The following MEI4 variants were observed in gnomAD, a reference collection of about 807,000 sequenced individuals.
The protein encoded by MEI4 is meiosis-specific protein MEI4.
In MEI4, 27 loss-of-function variants were observed where a neutral mutation model predicts 31.4. That is an observed-to-expected ratio of 0.86 (90% CI 0.63 to 1.19). The LOEUF is 1.19. MEI4 is among the 50% of genes most tolerant of loss of function. The pLI, the probability that MEI4 is intolerant of heterozygous loss-of-function variation, is 0.00. For synonymous variants in MEI4, 122 were observed against 145.4 expected, an observed-to-expected ratio of 0.84 and a Z score of 1.16; for missense variants, 329 against 398.9, an observed-to-expected ratio of 0.82 and a Z score of 1.49.
chr6:77,790,886 CTT>C lies in MEI4; in HGVS notation c.768+29222_768+29223del, dbSNP rs1243980718. On this transcript the variant is annotated intron_variant, in intron 3 of 4. Transcript: ENST00000684080. ...AGTGGGCGAAGGACAAGAACAGACA[CTT>C]CTCAAAAGAAGACATTTATGCAGCC... 2.0e-5 allele frequency among the ~76,000 whole-genome samples: 3 copies of C among 152,266 alleles called. No homozygotes were observed. In the East Asian group the frequency reaches 5.8e-4, roughly 29 times the overall value.
At chr6:77,790,746 T>C (rs553457463) in intron 3 of MEI4, among the ~76,000 whole-genome samples, 1 of 152,230 alleles carries the variant, frequency 6.6e-6, no homozygotes, top group East Asian at 1.9e-4. Flanking sequence ...CTCAAATATA[T>C]TTAATTTTTA....
chr6:77,836,074 T>A (rs981695414), intron 4 of MEI4, among the ~76,000 whole-genome samples: 1 of 152,164 alleles, frequency 6.6e-6, no homozygotes, highest in Admixed American at 6.5e-5. Flanking sequence ...GTAATGTTTT[T>A]AATTTATGTA....
intron 3 of MEI4, 39 bp from the exon 4 acceptor site, chr6:77,828,892 C>T (rs77387667): frequency 0.022 from 26,929 of 1,225,786 alleles, 335 homozygotes; most frequent in Non-Finnish European, 0.024. Context: ...TTTGATTTGA[C>T]GTGATGGAAT....
At chr6:77,683,032 C>A (rs1415162369) in intron 1 of MEI4, among the ~76,000 whole-genome samples, 2 of 152,128 alleles carry the variant, frequency 1.3e-5, no homozygotes, top group East Asian at 1.9e-4. Flanking sequence ...GTTTAATGTG[C>A]AAGTACTGTT....
chr6:77,814,295 C>T (rs1027219992), intron 3 of MEI4, among the ~76,000 whole-genome samples: 2 of 152,084 alleles, frequency 1.3e-5, no homozygotes, highest in African/African-American at 4.8e-5. Context: ...AAATGAATAT[C>T]TCAGTAATCT....
chr6:77,829,110 A>G lies in MEI4; in HGVS notation c.900+48A>G, dbSNP rs186960732. Reference sequence around the variant, plus strand: ...GTTCTCATATATAGTTATTGTAACTATATGTTTTTCTTTCTTTTCCCTTCT... The same window carrying G: ...GTTCTCATATATAGTTATTGTAACTGTATGTTTTTCTTTCTTTTCCCTTCT... On this transcript the variant is annotated intron_variant, in intron 4 of 4. Coordinates refer to ENST00000684080, the MANE Select transcript of MEI4 (RefSeq NM_001322247.2). The G allele has an allele frequency of 4.8e-4, 579 of 1,205,722 alleles. 3 individuals carry two copies. Among genetic ancestry groups the G allele is most frequent in the South Asian group, 8.4e-5 (2 of 23,750 alleles). 74.7% of individuals were successfully genotyped at this position (1,205,722 alleles called of 1,614,324 possible). A position where few individuals can be genotyped will look rare whatever the true frequency, so the allele number is the denominator to read the frequency against.
At chr6:77,859,694 A>G (rs1013467184) in intron 4 of MEI4, among the ~76,000 whole-genome samples, 19 of 152,000 alleles carry the variant, frequency 1.3e-4, no homozygotes, top group African/African-American at 4.3e-4. Context: ...CATATCAGAA[A>G]GGATTCTTAT....
intron 4 of MEI4, among the ~76,000 whole-genome samples, chr6:77,907,892 A>T (rs1766336137): frequency 6.6e-6 from 1 of 151,902 alleles, no homozygotes; most frequent in African/African-American, 2.4e-5. Context: ...CATTTCTCTG[A>T]TGGCCAGTGA....
chr6:77,828,318 C>A (rs184382262), intron 3 of MEI4, among the ~76,000 whole-genome samples: 31 of 151,232 alleles, frequency 2.0e-4, no homozygotes, highest in African/African-American at 7.5e-4. Flanking sequence ...AAGTGAGCAG[C>A]AGGGGAGCTA....
At chr6:77,733,575 C>A (rs533611665) in intron 2 of MEI4, among the ~76,000 whole-genome samples, 2 of 152,070 alleles carry the variant, frequency 1.3e-5, no homozygotes, top group Non-Finnish European at 2.9e-5. Flanking sequence ...TTTCAAAAAA[C>A]CAGCTCCTGG....
Position 77,923,573 on chromosome 6 carries a change from C to CCATGTAACTGTATCTTATTTCACT in MEI4, c.*230_*253dup, listed in dbSNP as rs1399243024. 21 of 305,998 alleles carry CCATGTAACTGTATCTTATTTCACT rather than the reference C, an allele frequency of 6.9e-5. No homozygotes were observed. The highest frequency in any genetic ancestry group is 1.6e-4 in the South Asian group (1 of 6,266). The allele number at this position is 305,998 out of a possible 1,614,324, so 19.0% of individuals were successfully genotyped here. ...TCGGTTGGTAATGCCATCCTTATTC[C>CCATGTAACTGTATCTTATTTCACT]CATGTAACTGTATCTTATTTCACTC... On this transcript the variant is annotated 3_prime_UTR_variant, in exon 5 of 5. Transcript: ENST00000684080.
At chr6:77,822,710 C>T (rs1769856401) in intron 3 of MEI4, among the ~76,000 whole-genome samples, 1 of 150,372 alleles carries the variant, frequency 6.7e-6, no homozygotes, top group Admixed American at 6.6e-5. Context: ...ACCTCTGCCT[C>T]CTGGGTTCAA....
intron 2 of MEI4, among the ~76,000 whole-genome samples, chr6:77,746,467 T>C (rs532472400): frequency 6.6e-6 from 1 of 152,250 alleles, no homozygotes; most frequent in African/African-American, 2.4e-5. Flanking sequence ...GCATTTATCC[T>C]GCTTTCACAC....
chr6:77,681,152 G>T (rs1056239803), intron 1 of MEI4, among the ~76,000 whole-genome samples: 1 of 152,068 alleles, frequency 6.6e-6, no homozygotes, highest in Non-Finnish European at 1.5e-5. Context: ...TCTTCCCTGG[G>T]ATTGACACAA....
chr6:77,672,944 T>C (rs1297452919), intron 1 of MEI4, among the ~76,000 whole-genome samples: 1 of 152,260 alleles, frequency 6.6e-6, no homozygotes, highest in East Asian at 1.9e-4. Context: ...TTAAATTATT[T>C]TAGCAGGTAA....
At chr6:77,698,440 G>A (rs1041000187) in intron 2 of MEI4, among the ~76,000 whole-genome samples, 1 of 152,146 alleles carries the variant, frequency 6.6e-6, no homozygotes, top group African/African-American at 2.4e-5. Flanking sequence ...GCTTCCTTCA[G>A]GAGCTCTTTT....
rs150470847 is a variant in MEI4 at position 77,845,608 on chromosome 6, G to T, written c.900+16546G>T. On this transcript the variant is annotated intron_variant, in intron 4 of 4. Transcript: ENST00000684080. ...AACACTAACTTTTTCTTTTTATTTG[G>T]GATATTTCTTTTATTATGTACTTCA... Among the ~76,000 whole-genome samples, 1,073 of 151,780 alleles carry T rather than the reference G, an allele frequency of 7.1e-3. 25 individuals are homozygous for T. The highest frequency in any genetic ancestry group is 0.042 in the Admixed American group (632 of 15,222).
intron 2 of MEI4, among the ~76,000 whole-genome samples, chr6:77,692,721 A>G (rs1769181019): frequency 6.6e-6 from 1 of 152,028 alleles, no homozygotes; most frequent in East Asian, 1.9e-4. Context: ...TAGCCTACTG[A>G]ATGGATTGTG....
chr6:77,715,317 T>C (rs979176560), intron 2 of MEI4, among the ~76,000 whole-genome samples: 18 of 152,296 alleles, frequency 1.2e-4, no homozygotes, highest in African/African-American at 3.8e-4. Context: ...TAACTAGTTA[T>C]AAAAACCAGA....
Sources: gnomAD v4.1 joint callset for allele counts (sites outside exome capture counted in the v4.1 genomes callset) on GRCh38, gnomAD v4.1.1 for gene constraint, MANE v1.5 for transcripts, NCBI Gene and HGNC (gene_info 2026-07-23, HGNC 2026-07-21) for gene names.